CREB5: variants seen among roughly 807,000 people sequenced by gnomAD.
CREB5 encodes cyclic AMP-responsive element-binding protein 5.
CREB5 carries 19 observed loss-of-function variants against 57.1 expected under a neutral mutation model. That is an observed-to-expected ratio of 0.33 (90% CI 0.23 to 0.49). The LOEUF is 0.49. Ranked by LOEUF, CREB5 falls within the 20% of genes least tolerant of loss-of-function variation. CREB5 has a pLI of 0.99. For missense variants in CREB5, 579 were observed against 671.6 expected, an observed-to-expected ratio of 0.86 and a Z score of 1.52; for synonymous variants, 238 against 238.3, an observed-to-expected ratio of 1.00 and a Z score of 0.01.
chr7:28,450,068 G>A (rs1006538167), intron 1 of CREB5, among the ~76,000 whole-genome samples: 3 of 152,170 alleles, frequency 2.0e-5, no homozygotes. Context: ...ACAATAACAA[G>A]AGAAGCTGTT....
At chr7:28,438,169 C>G (rs75432659) in intron 1 of CREB5, among the ~76,000 whole-genome samples, 6,362 of 152,216 alleles carry the variant, frequency 0.042, 403 homozygotes, top group African/African-American at 0.13. Flanking sequence ...GACTTTCACC[C>G]AAGAGTAGAT....
At chr7:28,411,444 T>A (rs1041100531), upstream of CREB5, among the ~76,000 whole-genome samples, 1 of 151,074 alleles carries the variant, frequency 6.6e-6, no homozygotes, top group Non-Finnish European at 1.5e-5. Context: ...AAAGAGGAAG[T>A]CGAATACGTA....
At chr7:28,790,468 G>GAGAGAGAGAGAGAGAGAGAGAGAGAGAA (rs1807624716) in intron 7 of CREB5, among the ~76,000 whole-genome samples, 2 of 108,098 alleles carry the variant, frequency 1.9e-5, no homozygotes, top group Non-Finnish European at 4.2e-5. Context: ...GAGATAGAGA[G>GAGAGAGAGAGAGAGAGAGAGAGAGAGAA]AGAGAGAAAG....
chr7:28,693,154 A>G (rs901592378), intron 5 of CREB5, among the ~76,000 whole-genome samples: 3 of 152,028 alleles, frequency 2.0e-5, no homozygotes, highest in Admixed American at 6.5e-5. Context: ...TTTTTTTTCT[A>G]TTTTCCATCT....
In CREB5 at chr7:28,677,045, G is replaced by A. The variant is rs921819916; in HGVS notation, c.465-41708G>A. Among the ~76,000 whole-genome samples the A allele has an allele frequency of 5.3e-5, 8 of 152,168 alleles. No individual in the cohort carries two copies. The East Asian group carries it at 9.6e-4, about 18-fold the overall frequency. ...ATCCTGTTTTGGAAAAGTCACTATAGCCAATGTCTAAAGGCTTGATCACTT... is the reference window on the plus strand; with the variant it reads ...ATCCTGTTTTGGAAAAGTCACTATAACCAATGTCTAAAGGCTTGATCACTT... On this transcript the variant is annotated intron_variant, in intron 5 of 10. Transcript: ENST00000357727.
chr7:28,351,875 T>C (rs1299334644), intron 1 of CREB5, among the ~76,000 whole-genome samples: 1 of 152,122 alleles, frequency 6.6e-6, no homozygotes, highest in Non-Finnish European at 1.5e-5. Flanking sequence ...AAAGGGATAG[T>C]GATGAGTGAA....
intron 1 of CREB5, among the ~76,000 whole-genome samples, chr7:28,321,840 G>A (rs912733486): frequency 6.6e-6 from 1 of 152,200 alleles, no homozygotes; most frequent in Admixed American, 6.5e-5. Context: ...GCTCCAAGGG[G>A]TGGCCCCCTT....
chr7:28,799,075 C>T (rs1311539004), intron 7 of CREB5, among the ~76,000 whole-genome samples: 2 of 152,206 alleles, frequency 1.3e-5, no homozygotes, highest in South Asian at 2.1e-4. Flanking sequence ...GATCCAGGGA[C>T]GCAGTAGGTT....
intron 7 of CREB5, among the ~76,000 whole-genome samples, chr7:28,727,952 G>GT (rs1256421095): frequency 2.6e-5 from 4 of 152,090 alleles, no homozygotes. Flanking sequence ...TTGTTTGTTT[G>GT]TTTGTTTGTT....
At chr7:28,498,264 T>C (rs1583540998) in intron 3 of CREB5, among the ~76,000 whole-genome samples, 1 of 152,166 alleles carries the variant, frequency 6.6e-6, no homozygotes, top group East Asian at 1.9e-4. Context: ...AGGGTAAAAA[T>C]CTTCAAGTTC....
intron 7 of CREB5, among the ~76,000 whole-genome samples, chr7:28,753,686 A>G (rs946712603): frequency 2.0e-5 from 3 of 152,204 alleles, no homozygotes; most frequent in Non-Finnish European, 4.4e-5. Flanking sequence ...TATTCCAAAT[A>G]TTTATGTGTA....
At chr7:28,791,337 C>T (rs940352031) in intron 7 of CREB5, among the ~76,000 whole-genome samples, 17 of 152,192 alleles carry the variant, frequency 1.1e-4, no homozygotes, top group Non-Finnish European at 2.2e-4. Flanking sequence ...TTGCTACTCT[C>T]GCGCATCTTC....
chr7:28,777,895 G>T (rs1388720384), intron 7 of CREB5, among the ~76,000 whole-genome samples: 2 of 152,144 alleles, frequency 1.3e-5, no homozygotes, highest in African/African-American at 4.8e-5. Flanking sequence ...ACTCAGAGAC[G>T]ACTATTGTCA....
At chr7:28,689,075 CTGTT>C (rs1378258762) in intron 5 of CREB5, among the ~76,000 whole-genome samples, 1 of 152,122 alleles carries the variant, frequency 6.6e-6, no homozygotes, top group African/African-American at 2.4e-5. Context: ...ATTAATTCCA[CTGTT>C]TGACGACTAT....
chr7:28,603,706 C>T (rs957864522), intron 5 of CREB5, among the ~76,000 whole-genome samples: 2 of 152,184 alleles, frequency 1.3e-5, no homozygotes, highest in Non-Finnish European at 2.9e-5. Flanking sequence ...GGTTCAAAAC[C>T]TGGTAAGCTT....
chr7:28,795,739 T>C (rs1471264896), intron 7 of CREB5, among the ~76,000 whole-genome samples: 2 of 150,924 alleles, frequency 1.3e-5, no homozygotes, highest in African/African-American at 4.9e-5. Flanking sequence ...TAAAATAAAA[T>C]TAACTGTTTT....
chr7:28,378,948 G>A (rs73295121), intron 1 of CREB5, among the ~76,000 whole-genome samples: 131 of 152,290 alleles, frequency 8.6e-4, no homozygotes, highest in African/African-American at 3.1e-3. Flanking sequence ...AAATGTGACT[G>A]GCTTGGTGAA....
At chr7:28,795,704 T>C (rs1807991762) in intron 7 of CREB5, among the ~76,000 whole-genome samples, 2 of 152,150 alleles carry the variant, frequency 1.3e-5, no homozygotes, top group South Asian at 4.1e-4. Flanking sequence ...TTTAAAATAT[T>C]GTTTAAATTG....
chr7:28,517,258 A>G (rs1258986944), intron 4 of CREB5, among the ~76,000 whole-genome samples: 2 of 152,222 alleles, frequency 1.3e-5, no homozygotes, highest in Non-Finnish European at 2.9e-5. Flanking sequence ...CTCTGCCTCC[A>G]TCATCTCATA....
Sources: gnomAD v4.1 joint callset for allele counts (sites outside exome capture counted in the v4.1 genomes callset) on GRCh38, gnomAD v4.1.1 for gene constraint, MANE v1.5 for transcripts, NCBI Gene and HGNC (gene_info 2026-07-23, HGNC 2026-07-21) for gene names.